The following PTPRK variants were observed in gnomAD, a reference collection of about 807,000 sequenced individuals.
The protein encoded by PTPRK is receptor-type tyrosine-protein phosphatase kappa.
In PTPRK, 75 loss-of-function variants were observed where a neutral mutation model predicts 178.0. That is an observed-to-expected ratio of 0.42 (90% CI 0.35 to 0.51). The LOEUF is 0.51. Among genes scored for constraint, PTPRK ranks in the 20% least tolerant of loss-of-function variants. The pLI is 0.02. For missense variants in PTPRK, 1,441 were observed against 1,797.8 expected (o/e 0.80, Z 3.59); for synonymous variants, 637 against 620.6 (o/e 1.03, Z -0.39).
At chr6:128,189,747 A>C (rs1803434797) in intron 6 of PTPRK, among the ~76,000 whole-genome samples, 1 of 152,094 alleles carries the variant, frequency 6.6e-6, no homozygotes, top group Non-Finnish European at 1.5e-5. Flanking sequence ...AATTTCCCTC[A>C]CTAAAATTTT....
chr6:128,518,770 A>G (rs1411795184), intron 1 of PTPRK, among the ~76,000 whole-genome samples: 1 of 152,200 alleles, frequency 6.6e-6, no homozygotes, highest in African/African-American at 2.4e-5. Flanking sequence ...GCGTACATCA[A>G]TTATATACAG....
chr6:128,473,404 ATTTTTTTTTT>A (rs67418131), intron 1 of PTPRK, among the ~76,000 whole-genome samples: 9 of 90,894 alleles, frequency 9.9e-5, no homozygotes, highest in Middle Eastern at 0.016. Flanking sequence ...TATGGTTACT[ATTTTTTTTTT>A]TTTTTTTTTT....
intron 21 of PTPRK, among the ~76,000 whole-genome samples, chr6:127,989,101 A>G (rs1016804941): frequency 4.6e-5 from 7 of 152,024 alleles, no homozygotes; most frequent in African/African-American, 1.7e-4. Context: ...ATTGCTTTCT[A>G]TTGGATTTTG....
chr6:128,070,884 A>T (rs1355302748), intron 11 of PTPRK, among the ~76,000 whole-genome samples: 1 of 151,786 alleles, frequency 6.6e-6, no homozygotes, highest in Admixed American at 6.6e-5. Context: ...TGTTTATGAA[A>T]TGAATACATT....
rs183985843 is a variant in PTPRK at position 128,081,733 on chromosome 6, A to T, written c.1777+704T>A. Among the ~76,000 whole-genome samples, 512 of 152,090 alleles carry T rather than the reference A, an allele frequency of 3.4e-3. 1 individual carries two copies. The highest frequency in any genetic ancestry group is 0.012 in the African/African-American group (485 of 41,510). On this transcript the variant is annotated intron_variant, in intron 10 of 29. Coordinates refer to ENST00000368226, the MANE Select transcript of PTPRK (RefSeq NM_002844.4). ...ATTTTAGTAATCTTAAATAAGAAAA[A>T]ACATTATATAAACTTTAGTAGATTT...
intron 13 of PTPRK, among the ~76,000 whole-genome samples, chr6:128,058,079 G>C (rs1041709688): frequency 2.6e-5 from 4 of 152,116 alleles, no homozygotes; most frequent in Non-Finnish European, 4.4e-5. Context: ...ACTGGTTGTT[G>C]CTGGGTTATT....
At chr6:128,452,569 C>G (rs1847925228) in intron 1 of PTPRK, among the ~76,000 whole-genome samples, 1 of 152,124 alleles carries the variant, frequency 6.6e-6, no homozygotes, top group African/African-American at 2.4e-5. Flanking sequence ...CAAGACACAG[C>G]AAGGTCTTTT....
intron 29 of PTPRK, 56 bp downstream of exon 29, chr6:127,972,966 G>A: frequency 2.0e-6 from 3 of 1,531,414 alleles, no homozygotes; most frequent in Non-Finnish European, 2.7e-6. Flanking sequence ...CAATAAGTAG[G>A]TATATGACTA....
chr6:128,184,103 TA>T (rs1318467630), intron 7 of PTPRK, among the ~76,000 whole-genome samples: 1 of 152,184 alleles, frequency 6.6e-6, no homozygotes, highest in Non-Finnish European at 1.5e-5. Flanking sequence ...TTGCTTGAAC[TA>T]AAATGATCTT....
At chr6:128,043,054 GA>G (rs1777460468) in intron 13 of PTPRK, among the ~76,000 whole-genome samples, 1 of 151,832 alleles carries the variant, frequency 6.6e-6, no homozygotes, top group African/African-American at 2.4e-5. Context: ...GATATTATTT[GA>G]AAAAAACTCT....
intron 3 of PTPRK, among the ~76,000 whole-genome samples, chr6:128,262,393 C>T (rs1410178794): frequency 2.6e-5 from 4 of 152,088 alleles, no homozygotes; most frequent in African/African-American, 9.7e-5. Context: ...CATTGATCTT[C>T]AATATCTGTT....
chr6:128,215,934 C>T (rs564987831), intron 6 of PTPRK, among the ~76,000 whole-genome samples: 37 of 134,932 alleles, frequency 2.7e-4, no homozygotes, highest in Middle Eastern at 3.6e-3. Context: ...GTTTCAACAC[C>T]AAGACAGCTG....
intron 11 of PTPRK, among the ~76,000 whole-genome samples, chr6:128,077,638 A>C (rs573399383): frequency 6.6e-6 from 1 of 152,114 alleles, no homozygotes; most frequent in South Asian, 2.1e-4. Flanking sequence ...ATATAAACCA[A>C]TTATGAAGTG....
At chr6:128,430,266 T>A (rs1224602542) in intron 1 of PTPRK, among the ~76,000 whole-genome samples, 1 of 152,208 alleles carries the variant, frequency 6.6e-6, no homozygotes, top group African/African-American at 2.4e-5. Context: ...ATTCTGTACT[T>A]TTAACTCCGT....
chr6:128,469,073 T>C (rs1255099292), intron 1 of PTPRK, among the ~76,000 whole-genome samples: 1 of 152,162 alleles, frequency 6.6e-6, no homozygotes, highest in Non-Finnish European at 1.5e-5. Flanking sequence ...TTTTCACATT[T>C]GTAGGAAAAA....
intron 5 of PTPRK, among the ~76,000 whole-genome samples, chr6:128,222,916 G>A (rs1301386563): frequency 6.6e-6 from 1 of 152,026 alleles, no homozygotes; most frequent in Non-Finnish European, 1.5e-5. Context: ...CTGATCTATG[G>A]TATCTAGCTC....
chr6:128,318,996 G>T (rs572689664), intron 3 of PTPRK, among the ~76,000 whole-genome samples: 56 of 152,254 alleles, frequency 3.7e-4, no homozygotes, highest in Admixed American at 3.9e-4. Flanking sequence ...AAGCTGAAAA[G>T]GCATTGATTG....
chr6:128,252,088 G>A (rs572532871), intron 3 of PTPRK, among the ~76,000 whole-genome samples: 2 of 152,256 alleles, frequency 1.3e-5, no homozygotes, highest in South Asian at 2.1e-4. Flanking sequence ...AGATCAGAAG[G>A]AGAAAATAAA....
chr6:128,054,475 C>T (rs1779572882), intron 13 of PTPRK, among the ~76,000 whole-genome samples: 1 of 152,162 alleles, frequency 6.6e-6, no homozygotes, highest in Admixed American at 6.5e-5. Flanking sequence ...TAATAATTTT[C>T]AACTCCAATT....
Sources: gnomAD v4.1 joint callset for allele counts (sites outside exome capture counted in the v4.1 genomes callset) on GRCh38, gnomAD v4.1.1 for gene constraint, MANE v1.5 for transcripts, NCBI Gene and HGNC (gene_info 2026-07-23, HGNC 2026-07-21) for gene names.